RSBN1L: variants seen among roughly 807,000 people sequenced by gnomAD.
RSBN1L encodes round spermatid basic protein 1 like.
A neutral mutation model predicts 67.7 loss-of-function variants in RSBN1L; 30 were observed. That is an observed-to-expected ratio of 0.44 (90% CI 0.33 to 0.60). RSBN1L has a LOEUF of 0.60. Ranked by LOEUF, RSBN1L falls within the 20% of genes least tolerant of loss-of-function variation. RSBN1L has a pLI of 0.02. For synonymous variants in RSBN1L, 433 were observed against 387.0 expected (o/e 1.12, Z -1.39); for missense variants, 992 against 1,031.7 (o/e 0.96, Z 0.53).
At chr7:77,740,854 A>C (rs1245660742) in intron 2 of RSBN1L, among the ~76,000 whole-genome samples, 1 of 151,746 alleles carries the variant, frequency 6.6e-6, no homozygotes, top group South Asian at 2.1e-4. Flanking sequence ...CCTCACTCCC[A>C]GTCTGGCACA....
rs148403665 is a variant in RSBN1L at position 77,740,583 on chromosome 7, G to T, written c.703+4057G>T. 1.2e-4 allele frequency among the ~76,000 whole-genome samples: 18 copies of T among 152,298 alleles called. No homozygotes were observed. The East Asian group carries it at 3.5e-3, about 29-fold the overall frequency. On this transcript the variant is annotated intron_variant, in intron 2 of 7. Transcript: ENST00000334955. The stretch of plus-strand genomic sequence containing the variant: ...ACTTTTTTCCTATATGTAATAATGG[G>T]ATGGGGGAGAGAGAAAGATAGATAT...
chr7:77,710,673 G>A (rs917755425), intron 1 of RSBN1L, among the ~76,000 whole-genome samples: 2 of 152,018 alleles, frequency 1.3e-5, no homozygotes, highest in Admixed American at 1.3e-4. Flanking sequence ...TTGGCTCACC[G>A]TAAACTCTGC....
At chr7:77,740,980 CTTTTCTTTTTTTTTT>C (rs1475085451) in intron 2 of RSBN1L, among the ~76,000 whole-genome samples, 2 of 131,812 alleles carry the variant, frequency 1.5e-5, no homozygotes, top group East Asian at 4.4e-4. Context: ...TTTTTCTTTT[CTTTTCTTTTTTTTTT>C]TTTTTTTTTG....
chr7:77,713,241 T>G (rs959801722), intron 1 of RSBN1L, among the ~76,000 whole-genome samples: 1 of 152,178 alleles, frequency 6.6e-6, no homozygotes, highest in Non-Finnish European at 1.5e-5. Context: ...TAAACTATCA[T>G]TAGTTCATAA....
intron 1 of RSBN1L, among the ~76,000 whole-genome samples, chr7:77,711,973 G>T (rs1054459738): frequency 6.6e-6 from 1 of 152,130 alleles, no homozygotes; most frequent in African/African-American, 2.4e-5. Context: ...CTGTGTGAGG[G>T]TAAGGGTCTT....
chr7:77,765,513 C>T lies in RSBN1L; in HGVS notation c.1363C>T (p.His455Tyr). The T allele has an allele frequency of 3.1e-6, 5 of 1,587,858 alleles. No homozygotes were observed. The highest frequency in any genetic ancestry group is 4.3e-6 in the Non-Finnish European group (5 of 1,166,374). The change falls in exon 4 of 8, where the codon CAT becomes TAT. Residue 455 changes from histidine to tyrosine, a missense_variant. His to Tyr is a moderately conservative substitution (Grantham distance 83). Coordinates refer to ENST00000334955, the MANE Select transcript of RSBN1L (RefSeq NM_198467.3). ...TCTTCAGGTAAAAAGAACGTATTCT[C>T]ATGGTACTTACAGAGCTGGCCCAAT... ...FHAQVKRTYSHGTYRAGPMRQ... is the reference protein window; with the variant it reads ...FHAQVKRTYSYGTYRAGPMRQ...
intron 1 of RSBN1L, among the ~76,000 whole-genome samples, chr7:77,697,736 A>T (rs1490622506): frequency 6.6e-6 from 1 of 152,208 alleles, no homozygotes; most frequent in Non-Finnish European, 1.5e-5. Flanking sequence ...GCAGCAAATG[A>T]TAAAACCAGG....
intron 1 of RSBN1L, among the ~76,000 whole-genome samples, chr7:77,716,624 CTTTTT>C (rs61611975): frequency 1.3e-5 from 1 of 75,330 alleles, no homozygotes. Flanking sequence ...GTATCTTCAT[CTTTTT>C]TTTTTTTTTT....
chr7:77,739,370 A>T (rs930126098), intron 2 of RSBN1L, among the ~76,000 whole-genome samples: 2 of 152,234 alleles, frequency 1.3e-5, no homozygotes, highest in South Asian at 2.1e-4. Flanking sequence ...TCTAAAATAG[A>T]TGTCAAGTAT....
chr7:77,727,783 A>T (rs2150418433), intron 1 of RSBN1L, among the ~76,000 whole-genome samples: 1 of 152,200 alleles, frequency 6.6e-6, no homozygotes, highest in South Asian at 2.1e-4. Flanking sequence ...CCACTTTTAT[A>T]ACCTAGCTTC....
intron 6 of RSBN1L, among the ~76,000 whole-genome samples, chr7:77,776,056 C>CA (rs34113834): frequency 0.57 from 84,978 of 149,982 alleles, 25,752 homozygotes; most frequent in African/African-American, 0.81. Context: ...GACTCCGTCT[C>CA]AAAAAAAAAA....
intron 1 of RSBN1L, among the ~76,000 whole-genome samples, chr7:77,701,120 C>T (rs989749517): frequency 6.8e-6 from 1 of 147,936 alleles, no homozygotes; most frequent in Non-Finnish European, 1.5e-5. Context: ...TCACTGTACT[C>T]CAGCCTGGGC....
In RSBN1L at chr7:77,749,987, C is replaced by T; in HGVS notation, c.1267C>T (p.Pro423Ser). 6.2e-7 allele frequency: 1 copy of T among 1,613,456 alleles called. No individual in the cohort carries two copies. The highest frequency in any genetic ancestry group is 2.2e-5 in the East Asian group (1 of 44,874). The stretch of plus-strand genomic sequence containing the variant: ...TTTAGACTATTTTTCATTTAATTTT[C>T]CCAATTCACCAGTGAAAATGGAGAT... ...DFLDYFSFNF[P>S]NSPVKMEILG... The change falls in exon 3 of 8, where the codon CCC (proline) becomes TCC (serine). Residue 423 changes from proline to serine, a missense_variant. By Grantham distance (74) the Pro-to-Ser change is moderately conservative. This residue lies in a region of RSBN1L where 63 missense variants were observed against 84.8 expected (regional missense o/e 0.74). Transcript: ENST00000334955.
chr7:77,701,534 G>T (rs933496329), intron 1 of RSBN1L, among the ~76,000 whole-genome samples: 2 of 151,840 alleles, frequency 1.3e-5, no homozygotes, highest in African/African-American at 4.8e-5. Context: ...CCAAAAAGTT[G>T]TCTATTCTAC....
At chr7:77,697,344 C>T (rs1376785930) in intron 1 of RSBN1L, 1 of 318,424 alleles carries the variant, frequency 3.1e-6, no homozygotes, top group Non-Finnish European at 5.7e-6. Context: ...TGAGGACTCT[C>T]CTAGGTTTGT....
chr7:77,722,075 T>C (rs932741531), intron 1 of RSBN1L, among the ~76,000 whole-genome samples: 9 of 152,310 alleles, frequency 5.9e-5, no homozygotes, highest in African/African-American at 2.2e-4. Flanking sequence ...GTATTATTAG[T>C]GTTACTGAAA....
At chr7:77,723,086 C>G (rs946385387) in intron 1 of RSBN1L, among the ~76,000 whole-genome samples, 1 of 151,654 alleles carries the variant, frequency 6.6e-6, no homozygotes, top group Non-Finnish European at 1.5e-5. Context: ...TGTGTCTCAG[C>G]CTTCCGAGTA....
At chr7:77,740,551 A>G (rs2150422343) in intron 2 of RSBN1L, among the ~76,000 whole-genome samples, 1 of 152,320 alleles carries the variant, frequency 6.6e-6, no homozygotes, top group African/African-American at 2.4e-5. Flanking sequence ...TAACTAAGCT[A>G]ATTAGTACTT....
At chr7:77,734,589 A>T (rs1314361810) in intron 1 of RSBN1L, among the ~76,000 whole-genome samples, 1 of 151,920 alleles carries the variant, frequency 6.6e-6, no homozygotes, top group Admixed American at 6.6e-5. Context: ...CCCGGGTTCA[A>T]GCGATTCTTC....
Sources: gnomAD v4.1 joint callset for allele counts (sites outside exome capture counted in the v4.1 genomes callset) on GRCh38, gnomAD v4.1.1 for gene constraint, gnomAD v4.1.1 regional missense constraint, MANE v1.5 for transcripts, NCBI Gene and HGNC (gene_info 2026-07-23, HGNC 2026-07-21) for gene names.